Variants in FBXO4 observed in about 807,000 individuals in gnomAD.
The protein encoded by FBXO4 is F-box protein 4.
A neutral mutation model predicts 43.7 loss-of-function variants in FBXO4; 36 were observed. The ratio of observed to expected loss-of-function variants is 0.82; its 90% CI spans 0.63 to 1.09. The LOEUF is 1.09. FBXO4 is among the 50% of genes least tolerant of loss of function. The pLI is 0.00. For synonymous variants in FBXO4, 180 were observed against 165.6 expected (o/e 1.09, Z -0.67); for missense variants, 435 against 474.1 (o/e 0.92, Z 0.77).
chr5:42,028,332 T>C, the FBXO4 span, among the ~76,000 whole-genome samples: 1 of 151,984 alleles, frequency 6.6e-6, no homozygotes, highest in South Asian at 2.1e-4. Flanking sequence ...CTGAAAGAAG[T>C]ATAGCAACTT....
the FBXO4 span, among the ~76,000 whole-genome samples, chr5:41,957,838 C>G: frequency 6.6e-6 from 1 of 152,156 alleles, no homozygotes; most frequent in South Asian, 2.1e-4. Flanking sequence ...GAACAATACA[C>G]TGAAGCAAAT....
chr5:41,941,132 T>C, intron 6 of FBXO4, 60 bp from the exon 7 acceptor site: 1 of 1,312,488 alleles, frequency 7.6e-7, no homozygotes, highest in East Asian at 2.3e-5. Flanking sequence ...ATGTCCCTCC[T>C]ACTCATAAGA....
Position 41,927,147 on chromosome 5 carries a change from T to G in FBXO4, c.324T>G (p.Pro108=). ...GATACTTTTTGTTGAGGGATCTTCC[T>G]TCTTGGTCTTCTGTTGACTGGAAGT... ...LWRYFLLRDL[P]SWSSVDWKSL... Residue 108 remains proline, a synonymous_variant, in exon 2 of 7, where the codon CCT becomes CCG. Transcript: ENST00000281623. 6.2e-7 allele frequency: 1 copy of G among 1,613,952 alleles called. No homozygotes were observed. Among genetic ancestry groups the G allele is most frequent in the Non-Finnish European group, 8.5e-7 (1 of 1,179,928 alleles).
the FBXO4 span, among the ~76,000 whole-genome samples, chr5:42,002,587 T>G: frequency 6.6e-6 from 1 of 152,232 alleles, no homozygotes; most frequent in Non-Finnish European, 1.5e-5. Flanking sequence ...TTTTAGATCC[T>G]GTTTACTTTT....
the FBXO4 span, among the ~76,000 whole-genome samples, chr5:41,994,529 G>A: frequency 6.6e-6 from 1 of 152,240 alleles, no homozygotes; most frequent in Non-Finnish European, 1.5e-5. Context: ...AAGGGTCTGG[G>A]CCATTTCTAG....
At chr5:41,985,334 T>G in the FBXO4 span, among the ~76,000 whole-genome samples, 13 of 152,314 alleles carry the variant, frequency 8.5e-5, no homozygotes, top group East Asian at 1.2e-3. Context: ...TCAGGCAATA[T>G]GAGTAAATAT....
chr5:41,973,538 A>T, the FBXO4 span, among the ~76,000 whole-genome samples: 1 of 152,138 alleles, frequency 6.6e-6, no homozygotes. Flanking sequence ...AAAACTAGCC[A>T]GATTTCATGG....
downstream of FBXO4, among the ~76,000 whole-genome samples, chr5:41,943,674 G>A (rs10045473): frequency 0.12 from 17,491 of 151,962 alleles, 1,544 homozygotes; most frequent in African/African-American, 0.24. Flanking sequence ...AAACTCTATC[G>A]CCACTATTGA....
the FBXO4 span, among the ~76,000 whole-genome samples, chr5:42,020,593 A>G: frequency 6.6e-6 from 1 of 152,208 alleles, no homozygotes; most frequent in Non-Finnish European, 1.5e-5. Context: ...GGTGTTATTA[A>G]TAACGCCAGC....
the FBXO4 span, among the ~76,000 whole-genome samples, chr5:41,956,715 T>C: frequency 1.0e-3 from 154 of 150,080 alleles, no homozygotes; most frequent in African/African-American, 2.9e-3. Context: ...TCTTCTTCTT[T>C]TTTTTTTTTT....
the FBXO4 span, among the ~76,000 whole-genome samples, chr5:42,006,887 GATATATATATATATATATAT>G: frequency 2.5e-5 from 2 of 79,120 alleles, no homozygotes; most frequent in African/African-American, 6.1e-5. Flanking sequence ...GGTTCATGCT[GATATATATATATATATATAT>G]ATATATATAT....
At chr5:41,961,653 C>G in the FBXO4 span, among the ~76,000 whole-genome samples, 1 of 152,116 alleles carries the variant, frequency 6.6e-6, no homozygotes, top group Non-Finnish European at 1.5e-5. Context: ...TAAGTCAGTA[C>G]CTGGAATGAA....
chr5:41,974,328 T>C, the FBXO4 span, among the ~76,000 whole-genome samples: 1 of 152,208 alleles, frequency 6.6e-6, no homozygotes, highest in Admixed American at 6.5e-5. Flanking sequence ...TCTATTTCTG[T>C]TTCTAGAATT....
chr5:41,937,072 A>G (rs924543586), intron 5 of FBXO4, among the ~76,000 whole-genome samples: 1 of 152,206 alleles, frequency 6.6e-6, no homozygotes, highest in African/African-American at 2.4e-5. Flanking sequence ...TGGAGTCCCA[A>G]AACATGAAGG....
the FBXO4 span, among the ~76,000 whole-genome samples, chr5:41,998,263 C>T: frequency 1.3e-5 from 2 of 152,338 alleles, no homozygotes; most frequent in African/African-American, 2.4e-5. Flanking sequence ...GTGGTTCCCA[C>T]CATTAGATCT....
the FBXO4 span, among the ~76,000 whole-genome samples, chr5:42,031,996 C>T: frequency 2.0e-4 from 31 of 151,982 alleles, no homozygotes; most frequent in African/African-American, 7.5e-4. Context: ...GACTCTTGTT[C>T]TCTTCCCTTA....
At chr5:41,951,835 T>C in the FBXO4 span, 7 of 215,938 alleles carry the variant, frequency 3.2e-5, no homozygotes, top group African/African-American at 1.4e-4. Flanking sequence ...CCACCAGCAA[T>C]GTAACTCCTG....
At chr5:41,941,170 A>G in intron 6 of FBXO4, 22 bp from the exon 7 acceptor site, 1 of 1,600,698 alleles carries the variant, frequency 6.2e-7, no homozygotes, top group African/African-American at 1.3e-5. Flanking sequence ...TACTAACAAC[A>G]TTCTCTCTTA....
At chr5:41,958,424 T>A in the FBXO4 span, among the ~76,000 whole-genome samples, 1,697 of 152,292 alleles carry the variant, frequency 0.011, 30 homozygotes, top group Middle Eastern at 0.034. Context: ...TGAGCAGCCC[T>A]GCCAGCCAGC....
Sources: allele counts gnomAD v4.1 joint callset (sites outside exome capture counted in the v4.1 genomes callset), GRCh38; gene constraint gnomAD v4.1.1; transcripts MANE v1.5; gene names NCBI Gene and HGNC (gene_info 2026-07-23, HGNC 2026-07-21).